Variants in SLC22A3 observed in about 807,000 individuals in gnomAD.
The protein encoded by SLC22A3 is EMT organic cation transporter 3.
Under a neutral mutation model 59.1 loss-of-function variants are expected in SLC22A3, and 51 were observed. The observed-to-expected ratio is 0.86, with a 90% confidence interval of 0.69 to 1.09. The LOEUF (loss-of-function observed/expected upper bound fraction) is 1.09. Ranked by LOEUF, SLC22A3 falls within the 50% of genes least tolerant of loss-of-function variation. The probability of loss-of-function intolerance (pLI) is 0.00; values close to 1 mark genes in which losing one functional copy is unlikely to be tolerated. For missense variants in SLC22A3, 711 were observed against 726.3 expected (o/e 0.98, Z 0.24); for synonymous variants, 325 against 292.0 (o/e 1.11, Z -1.15).
chr6:160,383,609 A>G (rs1323238793), intron 1 of SLC22A3, among the ~76,000 whole-genome samples: 2 of 152,168 alleles, frequency 1.3e-5, no homozygotes, highest in Admixed American at 1.3e-4. Flanking sequence ...AACACAATCA[A>G]TACAAAAAGA....
At position 160,414,470 on chromosome 6, in the gene SLC22A3, A is replaced by T. The variant is rs561100730; in HGVS notation, c.975+3624A>T. ...ATGAGTTGAGTGTGTTTATTTAAAC[A>T]TAGTTTATATGTTTCAATCCTTTGC... On this transcript the variant is annotated intron_variant, in intron 5 of 10. Transcript: ENST00000275300. Among the ~76,000 whole-genome samples the T allele has an allele frequency of 3.4e-4, 52 of 152,366 alleles. 1 individual carries two copies. The highest frequency in any genetic ancestry group is 1.6e-3 in the Admixed American group (24 of 15,302).
rs543516112 is a variant in SLC22A3 at position 160,348,394 on chromosome 6, T to TGCGGGCG, written c.-11_-5dup. The TGCGGGCG allele has an allele frequency of 1.6e-3, 2,247 of 1,435,250 alleles. 70 individuals carry two copies. The East Asian group carries it at 0.048, about 31-fold the overall frequency. The allele number at this position is 1,435,250 out of a possible 1,614,324, so 88.9% of individuals were successfully genotyped here. A position where few individuals can be genotyped will look rare whatever the true frequency, so the allele number is the denominator to read the frequency against. On this transcript the variant is annotated 5_prime_UTR_variant, in exon 1 of 11. Transcript: ENST00000275300. ...CCGCGGGTCACTCCGAGGCGCGGGC[T>TGCGGGCG]GCGGGCGGCGGGCGGCGGGCGCACC...
At chr6:160,375,228 T>C (rs1307085582) in intron 1 of SLC22A3, among the ~76,000 whole-genome samples, 1 of 152,196 alleles carries the variant, frequency 6.6e-6, no homozygotes, top group Admixed American at 6.5e-5. Context: ...ACCAGGACCC[T>C]TGCCTTCCTG....
At chr6:160,447,384 C>T (rs1361282993) in intron 9 of SLC22A3, among the ~76,000 whole-genome samples, 1 of 152,128 alleles carries the variant, frequency 6.6e-6, no homozygotes, top group Admixed American at 6.5e-5. Context: ...GCAGAGGGGA[C>T]TCCCCTCCAG....
chr6:160,410,088 C>T (rs1011197358), intron 4 of SLC22A3, among the ~76,000 whole-genome samples: 2 of 152,214 alleles, frequency 1.3e-5, no homozygotes, highest in Non-Finnish European at 2.9e-5. Flanking sequence ...GCGATCTCGG[C>T]TCACTGCAAC....
chr6:160,434,401 G>T (rs1788263819), intron 5 of SLC22A3, among the ~76,000 whole-genome samples: 1 of 152,194 alleles, frequency 6.6e-6, no homozygotes, highest in African/African-American at 2.4e-5. Flanking sequence ...CAGTTGCCTG[G>T]TTTCAATTCC....
chr6:160,351,201 C>T (rs1013160166), intron 1 of SLC22A3, among the ~76,000 whole-genome samples: 8 of 152,118 alleles, frequency 5.3e-5, no homozygotes, highest in Non-Finnish European at 1.0e-4. Flanking sequence ...CTGCAAGCTC[C>T]GCCTCCCAGG....
chr6:160,348,567 T>C lies in SLC22A3; in HGVS notation c.148T>C (p.Trp50Arg), dbSNP rs1477984433. The change falls in exon 1 of 11, where the codon TGG becomes CGG. Residue 50 changes from tryptophan to arginine, a missense_variant. By Grantham distance (101) the Trp-to-Arg change is moderately radical. Transcript: ENST00000275300. ...CCTGGGCACGCAGCCCGACCACTAC[T>C]GGTGCCGCGGGCCAAGTGCCGCGGC... ...VFLGTQPDHY[W>R]CRGPSAAALA... 2.6e-6 allele frequency: 4 copies of C among 1,541,616 alleles called. No individual in the cohort carries two copies. The highest frequency in any genetic ancestry group is 2.6e-5 in the East Asian group (1 of 39,004).
chr6:160,359,735 T>A (rs1330301708), intron 1 of SLC22A3, among the ~76,000 whole-genome samples: 3 of 152,232 alleles, frequency 2.0e-5, no homozygotes, highest in African/African-American at 7.2e-5. Context: ...GTGATAGGGT[T>A]GAAACTCAAC....
intron 9 of SLC22A3, among the ~76,000 whole-genome samples, chr6:160,444,824 C>T (rs1408497606): frequency 6.6e-6 from 1 of 152,206 alleles, no homozygotes; most frequent in Admixed American, 6.5e-5. Flanking sequence ...GAGGACAGAC[C>T]TTCTGCTTCA....
chr6:160,407,124 C>A lies in SLC22A3; in HGVS notation c.617C>A (p.Pro206His). The change falls in exon 3 of 11, where the codon CCT (proline) becomes CAT (histidine). Residue 206 changes from proline (P) to histidine (H), a missense_variant. Physicochemically the swap from Pro to His is moderately conservative, Grantham distance 77. Transcript: ENST00000275300. ...GVVVAFAPNF[P>H]VFVIFRFLQG... Reference sequence around the variant, plus strand: ...GTGGTGGCCTTTGCACCAAACTTCCCTGTGTTTGTGATCTTCCGCTTCCTG... The same window carrying A: ...GTGGTGGCCTTTGCACCAAACTTCCATGTGTTTGTGATCTTCCGCTTCCTG... The A allele has an allele frequency of 5.6e-6, 9 of 1,612,128 alleles. No homozygotes were observed. The highest frequency in any genetic ancestry group is 7.6e-6 in the Non-Finnish European group (9 of 1,179,022).
At chr6:160,400,810 G>C (rs769258871) in intron 2 of SLC22A3, among the ~76,000 whole-genome samples, 1 of 151,886 alleles carries the variant, frequency 6.6e-6, no homozygotes, top group African/African-American at 2.4e-5. Context: ...GAACAGTTGG[G>C]CTATGTAAGT....
chr6:160,401,311 G>A (rs556961192), intron 2 of SLC22A3, among the ~76,000 whole-genome samples: 2 of 151,932 alleles, frequency 1.3e-5, no homozygotes, highest in East Asian at 3.9e-4. Flanking sequence ...GAAGAGTGGG[G>A]GGATAATGTC....
At chr6:160,448,205 G>A (rs1788818466) in intron 10 of SLC22A3, among the ~76,000 whole-genome samples, 1 of 152,160 alleles carries the variant, frequency 6.6e-6, no homozygotes, top group African/African-American at 2.4e-5. Flanking sequence ...AGATGGAATG[G>A]CATAGGCAGG....
chr6:160,446,554 A>G (rs1361321709), intron 9 of SLC22A3, among the ~76,000 whole-genome samples: 1 of 152,062 alleles, frequency 6.6e-6, no homozygotes, highest in Non-Finnish European at 1.5e-5. Context: ...ATGGGAACTC[A>G]CTCACTATCA....
chr6:160,436,903 A>G lies in SLC22A3; in HGVS notation c.1073+26A>G, dbSNP rs759753857. On this transcript the variant is annotated intron_variant, in intron 6 of 10. Transcript: ENST00000275300. ...GTAAGTTTGACTTGTGATGGATTTA[A>G]AAGCTTGCGTTAAATTTACAATACA... 1.9e-5 allele frequency: 30 copies of G among 1,611,692 alleles called. No individual in the cohort carries two copies. The Middle Eastern group carries it at 4.9e-4, about 27-fold the overall frequency.
chr6:160,448,181 C>T (rs1442256531), intron 10 of SLC22A3, among the ~76,000 whole-genome samples: 2 of 152,008 alleles, frequency 1.3e-5, no homozygotes, highest in Middle Eastern at 3.2e-3. Flanking sequence ...AGTGAGGATG[C>T]GTCAGGTCTG....
intron 1 of SLC22A3, 113 bp downstream of exon 1, chr6:160,348,961 C>G (rs932438990): frequency 1.3e-6 from 2 of 1,525,576 alleles, no homozygotes; most frequent in Non-Finnish European, 1.8e-6. Context: ...GAGACGGGGA[C>G]CGGTCGGCTA....
intron 2 of SLC22A3, among the ~76,000 whole-genome samples, chr6:160,404,268 A>G (rs1786913770): frequency 1.3e-5 from 2 of 152,104 alleles, no homozygotes; most frequent in Admixed American, 1.3e-4. Context: ...CTAATACACA[A>G]AAGTCAACTG....
Sources: gnomAD v4.1 joint callset for allele counts (sites outside exome capture counted in the v4.1 genomes callset) on GRCh38, gnomAD v4.1.1 for gene constraint, MANE v1.5 for transcripts, NCBI Gene and HGNC (gene_info 2026-07-23, HGNC 2026-07-21) for gene names.